MS4A8: variants seen among roughly 807,000 people sequenced by gnomAD.
The protein encoded by MS4A8 is membrane-spanning 4-domains subfamily A member 8.
A neutral mutation model predicts 23.7 loss-of-function variants in MS4A8; 27 were observed. That is an observed-to-expected ratio of 1.14 (90% CI 0.84 to 1.57). MS4A8 has a LOEUF of 1.57. Ranked by LOEUF, MS4A8 falls within the 40% of genes most tolerant of loss-of-function variation. MS4A8 has a pLI of 0.00. For synonymous variants in MS4A8, 138 were observed against 126.3 expected (o/e 1.09, Z -0.62); for missense variants, 301 against 311.4 (o/e 0.97, Z 0.25).
Position 60,707,180 on chromosome 11 carries a change from A to G in MS4A8, c.402+133A>G. ...ATAACCAGACACACGGTGCTCACAC[A>G]CATTCCCGCTCATACAGACTGGCCA... is the stretch of plus-strand genomic sequence containing the variant. On this transcript the variant is annotated intron_variant, in intron 4 of 6. Transcript: ENST00000300226. 3.5e-6 allele frequency: 3 copies of G among 855,602 alleles called. No homozygotes were observed. The South Asian group carries it at 4.4e-5, about 13-fold the overall frequency. The allele number at this position is 855,602 out of a possible 1,614,324, so 53.0% of individuals were successfully genotyped here. A position where few individuals can be genotyped will look rare whatever the true frequency, so the allele number is the denominator to read the frequency against.
At chr11:60,707,812 CTTTTTTTT>C (rs5792195) in intron 4 of MS4A8, among the ~76,000 whole-genome samples, 15 of 55,166 alleles carry the variant, frequency 2.7e-4, no homozygotes, top group East Asian at 6.2e-4. Context: ...TTTTCTTTTT[CTTTTTTTT>C]TTTTTTTTTT....
Position 60,700,940 on chromosome 11 carries a change from C to T in MS4A8, c.80C>T (p.Pro27Leu). 6.2e-7 allele frequency: 1 copy of T among 1,614,198 alleles called. No individual in the cohort carries two copies. The highest frequency in any genetic ancestry group is 8.5e-7 in the Non-Finnish European group (1 of 1,180,036). The change falls in exon 2 of 7, where the codon CCA (proline) becomes CTA (leucine). Residue 27 changes from proline to leucine, a missense_variant. Transcript: ENST00000300226. Reference sequence around the variant, plus strand: ...CCCCACAATGGTTATCCTGTGACCCCAGGAATTATGTCTCACGTGCCCCTG... The same window carrying T: ...CCCCACAATGGTTATCCTGTGACCCTAGGAATTATGTCTCACGTGCCCCTG... ...VAPHNGYPVT[P>L]GIMSHVPLYP...
At chr11:60,704,398 GGT>G (rs1274951462) in intron 3 of MS4A8, among the ~76,000 whole-genome samples, 2 of 152,102 alleles carry the variant, frequency 1.3e-5, no homozygotes, top group Non-Finnish European at 2.9e-5. Flanking sequence ...TGGGATTACA[GGT>G]GTGAGCCACC....
At chr11:60,705,093 C>G (rs898660381) in intron 3 of MS4A8, among the ~76,000 whole-genome samples, 1 of 152,174 alleles carries the variant, frequency 6.6e-6, no homozygotes, top group African/African-American at 2.4e-5. Context: ...TAGCCTAGAG[C>G]TATCTCCATC....
At position 60,704,912 on chromosome 11, in the gene MS4A8, TCTC is replaced by T. The variant is rs1241629541; in HGVS notation, c.342+1417_342+1419del. On this transcript the variant is annotated intron_variant, in intron 3 of 6. Coordinates refer to ENST00000300226, the MANE Select transcript of MS4A8 (RefSeq NM_031457.2). ...CACACACACTCTCTCTCTCTCTCCT[TCTC>T]CTCCCCTCTCCACCTTCCTTTCTCC... 4.0e-5 allele frequency among the ~76,000 whole-genome samples: 6 copies of T among 150,868 alleles called. No individual in the cohort carries two copies. The East Asian group carries it at 7.8e-4, about 20-fold the overall frequency.
intron 5 of MS4A8, among the ~76,000 whole-genome samples, chr11:60,711,215 A>C (rs76132076): frequency 0.017 from 2,643 of 152,350 alleles, 62 homozygotes; most frequent in African/African-American, 0.053. Context: ...TTGACACTTC[A>C]TAAGCATTTG....
intron 3 of MS4A8, among the ~76,000 whole-genome samples, chr11:60,704,283 G>C (rs1231178287): frequency 6.6e-6 from 1 of 151,850 alleles, no homozygotes; most frequent in Non-Finnish European, 1.5e-5. Context: ...ACCACGCCCG[G>C]CTAATTTTTG....
At chr11:60,709,919 T>C (rs1442079533) in intron 5 of MS4A8, among the ~76,000 whole-genome samples, 1 of 152,240 alleles carries the variant, frequency 6.6e-6, no homozygotes, top group East Asian at 1.9e-4. Context: ...CTTAAAAGAA[T>C]TGTCTACACT....
Position 60,700,274 on chromosome 11 carries a change from G to A in MS4A8, c.-2+499G>A, listed in dbSNP as rs112864847. Among the ~76,000 whole-genome samples the A allele has an allele frequency of 9.2e-3, 1,407 of 152,260 alleles. 19 individuals are homozygous for A. The highest frequency in any genetic ancestry group is 0.031 in the African/African-American group (1,289 of 41,546). On this transcript the variant is annotated intron_variant, in intron 1 of 6. Coordinates refer to ENST00000300226, the MANE Select transcript of MS4A8 (RefSeq NM_031457.2). ...CTAAACACTATGAGAGGCCGGGTGC[G>A]GTGGTTCACATCTGTAATCCCAGCA...
rs142632950 is a variant in MS4A8, at chr11:60,715,035, G to A, written c.549G>A (p.Ala183=). 107 of 1,613,896 alleles carry A rather than the reference G, an allele frequency of 6.6e-5. No homozygotes were observed. Among genetic ancestry groups the A allele is most frequent in the South Asian group, 5.9e-4 (54 of 91,070 alleles). ...PYAWGVNPGM[A]ISGVLLVFCL... Reference sequence around the variant, plus strand: ...TCTGCCTACAGAACCCTGGAATGGCGATTTCTGGCGTGCTGCTGGTCTTCT... The same window carrying A: ...TCTGCCTACAGAACCCTGGAATGGCAATTTCTGGCGTGCTGCTGGTCTTCT... Residue 183 remains alanine (A), a synonymous_variant, in exon 6 of 7, where the codon GCG becomes GCA. Transcript: ENST00000300226.
In MS4A8 at chr11:60,701,783, C is replaced by T. The variant is rs146322721; in HGVS notation, c.219+704C>T. Among the ~76,000 whole-genome samples the T allele has an allele frequency of 3.1e-3, 474 of 152,228 alleles. 1 individual carries two copies. Among genetic ancestry groups the T allele is most frequent in the Admixed American group, 9.3e-3 (143 of 15,296 alleles). On this transcript the variant is annotated intron_variant, in intron 2 of 6. Transcript: ENST00000300226. ...ATATGTATGAGCTTATTCATTGCAG[C>T]GTGGTTTGTGATAACAAAAATATTG...
chr11:60,704,346 C>T (rs1379490756), intron 3 of MS4A8, among the ~76,000 whole-genome samples: 2 of 152,088 alleles, frequency 1.3e-5, no homozygotes, highest in South Asian at 4.2e-4. Flanking sequence ...GTCTCAAACT[C>T]CTGACCTCAG....
In MS4A8 at chr11:60,707,048, G is replaced by A. The variant is rs377663582; in HGVS notation, c.402+1G>A. On this transcript the variant is annotated splice_donor_variant, in intron 4 of 6. Coordinates refer to ENST00000300226, the MANE Select transcript of MS4A8 (RefSeq NM_031457.2). LOFTEE classifies it high-confidence loss of function. ...AAATCAGCCATATTCTTATTGCCTG[G>A]TAAGTTACATTCTGAGACCAGCTCT... The A allele has an allele frequency of 1.9e-6, 3 of 1,613,306 alleles. No individual in the cohort carries two copies. The highest frequency in any genetic ancestry group is 2.5e-6 in the Non-Finnish European group (3 of 1,179,288).
rs2088228517 is a variant in MS4A8 at position 60,703,864 on chromosome 11, C to T, written c.342+364C>T. ...TCCACGGCCTTCCTCCATGCCTGTG[C>T]CCTAGTCTCCTCTTCCTATGAGGAC... On this transcript the variant is annotated intron_variant, in intron 3 of 6. Coordinates refer to ENST00000300226, the MANE Select transcript of MS4A8 (RefSeq NM_031457.2). Among the ~76,000 whole-genome samples the T allele has an allele frequency of 2.6e-5, 4 of 152,296 alleles. No homozygotes were observed. In the South Asian group the frequency reaches 8.3e-4, roughly 32 times the overall value.
At chr11:60,707,850 G>C (rs1398978331) in intron 4 of MS4A8, among the ~76,000 whole-genome samples, 1 of 116,832 alleles carries the variant, frequency 8.6e-6, no homozygotes, top group Non-Finnish European at 1.6e-5. Flanking sequence ...GTGTGTGTGA[G>C]ACAGAGTCTC....
In MS4A8 at chr11:60,715,140, T is replaced by A. The variant is rs769290772; in HGVS notation, c.648+6T>A. The A allele has an allele frequency of 1.3e-5, 21 of 1,605,934 alleles. No individual in the cohort carries two copies. The East Asian group carries it at 4.5e-4, about 34-fold the overall frequency. On this transcript the variant is annotated splice_donor_region_variant and intron_variant, in intron 6 of 6. Transcript: ENST00000300226. The stretch of plus-strand genomic sequence containing the variant: ...TCTGCTGTCAATCAAGCAATGTGAG[T>A]CCCAGGGTTCCTCAGTGGGTGGAAA...
At chr11:60,705,273 G>A (rs575029657) in intron 3 of MS4A8, among the ~76,000 whole-genome samples, 6 of 152,156 alleles carry the variant, frequency 3.9e-5, no homozygotes, top group South Asian at 4.1e-4. Context: ...CTAGCATCAC[G>A]GCCACCCAGG....
chr11:60,705,345 A>T (rs933031468), intron 3 of MS4A8, among the ~76,000 whole-genome samples: 4 of 152,236 alleles, frequency 2.6e-5, no homozygotes, highest in African/African-American at 9.6e-5. Flanking sequence ...GCCAGTGAGC[A>T]GCAGGCAGTT....
At chr11:60,707,775 T>G (rs2088268748) in intron 4 of MS4A8, among the ~76,000 whole-genome samples, 1 of 151,822 alleles carries the variant, frequency 6.6e-6, no homozygotes. Flanking sequence ...ATAGGTCAAG[T>G]GTTTCCCAGA....
Sources: allele counts gnomAD v4.1 joint callset (sites outside exome capture counted in the v4.1 genomes callset), GRCh38; gene constraint gnomAD v4.1.1; transcripts MANE v1.5; gene names NCBI Gene and HGNC (gene_info 2026-07-23, HGNC 2026-07-21).